Variants in SBF1 observed in about 807,000 individuals in gnomAD.
SBF1 encodes the protein SET binding factor 1.
In SBF1, 65 loss-of-function variants were observed where a neutral mutation model predicts 215.8. The observed-to-expected ratio is 0.30, with a 90% CI of 0.25 to 0.37. The LOEUF (loss-of-function observed/expected upper bound fraction) is 0.37, where lower values mean the gene tolerates loss of function less well. Ranked by LOEUF, SBF1 falls within the 10% of genes least tolerant of loss-of-function variation. The probability of loss-of-function intolerance (pLI) is 1.00; values close to 1 mark genes in which losing one functional copy is unlikely to be tolerated. For missense variants in SBF1, 2,634 were observed against 2,667.8 expected, an observed-to-expected ratio of 0.99 and a Z score of 0.28; for synonymous variants, 1,410 against 1,122.8, an observed-to-expected ratio of 1.26 and a Z score of -5.11.
intron 1 of SBF1, among the ~76,000 whole-genome samples, chr22:50,473,610 G>A (rs939889002): frequency 6.6e-6 from 1 of 152,160 alleles, no homozygotes; most frequent in Non-Finnish European, 1.5e-5. Flanking sequence ...TGCTAAAGAG[G>A]CTTCAGGAAG....
chr22:50,459,837 A>C, intron 26 of SBF1, 115 bp downstream of exon 26: 1 of 1,393,630 alleles, frequency 7.2e-7, no homozygotes, highest in Non-Finnish European at 9.9e-7. Flanking sequence ...CTCTGCCCGG[A>C]GTCTCCCCCT....
In SBF1 at chr22:50,464,870, G is replaced by T. The variant is rs748576487; in HGVS notation, c.1380C>A (p.Pro460=). The T allele has an allele frequency of 6.2e-7, 1 of 1,613,726 alleles. No homozygotes were observed. The highest frequency in any genetic ancestry group is 1.1e-5 in the South Asian group (1 of 91,084). The part of the protein sequence containing the change: ...VARMRADENH[P]QRVLRHVQEL... ...CCTGGACGTGACGCAGGACACGCTG[G>T]GGGTGGTTCTCATCCGCCCGCATCC... is the stretch of plus-strand genomic sequence containing the variant. The change falls in exon 13 of 41, where the codon CCC becomes CCA. Residue 460 remains proline, a synonymous_variant. Coordinates refer to ENST00000380817, the MANE Select transcript of SBF1 (RefSeq NM_002972.4).
At chr22:50,449,794 A>C (rs2066978686) in intron 36 of SBF1, among the ~76,000 whole-genome samples, 1 of 152,362 alleles carries the variant, frequency 6.6e-6, no homozygotes, top group East Asian at 1.9e-4. Context: ...CACGAGGCCA[A>C]CTGTCAACTT....
At position 50,463,303 on chromosome 22, in the gene SBF1, T is replaced by C; in HGVS notation, c.1879A>G (p.Met627Val). Residue 627 changes from methionine (M) to valine (V), a missense_variant, in exon 16 of 41, where the codon ATG (methionine) becomes GTG (valine). Coordinates refer to ENST00000380817, the MANE Select transcript of SBF1 (RefSeq NM_002972.4). ...CTCACCTGCAGGCAGCAGTTCATCA[T>C]ACGGACGACAAAGTCAAACTGCTGG... is the stretch of plus-strand genomic sequence containing the variant. ...DHQQFDFVVR[M>V]MNCCLQDCTS... 2.5e-6 allele frequency: 4 copies of C among 1,613,626 alleles called. No individual in the cohort carries two copies. The highest frequency in any genetic ancestry group is 1.1e-5 in the South Asian group (1 of 90,982).
At chr22:50,454,982 C>G in intron 34 of SBF1, 34 bp downstream of exon 34, 1 of 1,614,010 alleles carries the variant, frequency 6.2e-7, no homozygotes, top group Non-Finnish European at 8.5e-7. Context: ...CCCCTCCTGA[C>G]CCGTGGCTGC....
chr22:50,474,739 A>ACTCGACC, intron 1 of SBF1, 47 bp downstream of exon 1: 3 of 1,405,766 alleles, frequency 2.1e-6, no homozygotes, highest in African/African-American at 1.6e-5. Flanking sequence ...GGCCCTCAGC[A>ACTCGACC]CTCGACCCTC....
chr22:50,465,350 G>A (rs752324505), intron 10 of SBF1, 22 bp from the exon 11 acceptor site: 9 of 1,551,158 alleles, frequency 5.8e-6, no homozygotes, highest in African/African-American at 1.4e-5. Flanking sequence ...GCTGAGTGCA[G>A]GTGAGAGCCA....
chr22:50,458,283 T>C (rs534736221), intron 28 of SBF1, among the ~76,000 whole-genome samples: 7 of 129,130 alleles, frequency 5.4e-5, no homozygotes, highest in African/African-American at 1.2e-4. Flanking sequence ...CCAGCGTGGG[T>C]GACAGAGAAA....
intron 26 of SBF1, 100 bp downstream of exon 26, chr22:50,459,852 A>G (rs1263948513): frequency 8.2e-6 from 12 of 1,456,584 alleles, no homozygotes; most frequent in East Asian, 2.3e-5. Context: ...CCCCCTCCAC[A>G]TTCCTTACAT....
In SBF1 at chr22:50,474,965, CGCGGCGGCGGCGGCG is replaced by C. The variant is rs71198252; in HGVS notation, c.-140_-126del. On this transcript the variant is annotated 5_prime_UTR_variant, in exon 1 of 41. Transcript: ENST00000380817. ...CACCCCGGACACCCCTGGTTCGCTC[CGCGGCGGCGGCGGCG>C]GCGGCGGCGGCGGCCCAGGTTCCCG... The C allele has an allele frequency of 4.3e-4, 120 of 276,726 alleles. 2 individuals carry two copies. Among genetic ancestry groups the C allele is most frequent in the Non-Finnish European group, 5.7e-4 (98 of 173,192 alleles). 17.1% of individuals were successfully genotyped at this position (276,726 alleles called of 1,614,324 possible). A position where few individuals can be genotyped will look rare whatever the true frequency, so the allele number is the denominator to read the frequency against.
At chr22:50,461,095 G>A (rs569772665) in intron 23 of SBF1, 64 bp downstream of exon 23, 145 of 1,527,924 alleles carry the variant, frequency 9.5e-5, no homozygotes, top group Admixed American at 5.4e-4. Flanking sequence ...ATACAAGAAA[G>A]ACCGGTTTGC....
rs770686004 is a variant in SBF1, at chr22:50,467,669, C to A, written c.301G>T (p.Ala101Ser). The change falls in exon 4 of 41, where the codon GCC (alanine) becomes TCC (serine). Residue 101 changes from alanine to serine, a missense_variant. Ala to Ser is a moderately conservative substitution (Grantham distance 99, BLOSUM62 1). Transcript: ENST00000380817. ...TCCCCCTCTTCCTCCCTCTCTGTGG[C>A]ATCCTCCACGCGCGTCGTTTCCTGC... is the stretch of plus-strand genomic sequence containing the variant. Reference protein sequence around the residue: ...PSQETTRVEDATEREEEGDEG... With the variant: ...PSQETTRVEDSTEREEEGDEG... 8.1e-6 allele frequency: 13 copies of A among 1,607,926 alleles called. No individual in the cohort carries two copies. The East Asian group carries it at 2.7e-4, about 33-fold the overall frequency.
rs752249812 is a variant in SBF1, at chr22:50,464,982, G to A, written c.1332+19C>T. On this transcript the variant is annotated intron_variant, in intron 12 of 40. Transcript: ENST00000380817. Reference sequence around the variant, plus strand: ...GCGGAGCCAGGGCAGGGGGCTGGGAGGGCAGGGTGGAGGTGCACCTCATCG... The same window carrying A: ...GCGGAGCCAGGGCAGGGGGCTGGGAAGGCAGGGTGGAGGTGCACCTCATCG... The A allele has an allele frequency of 6.2e-7, 1 of 1,613,944 alleles. No homozygotes were observed. Among genetic ancestry groups the A allele is most frequent in the Non-Finnish European group, 8.5e-7 (1 of 1,179,950 alleles).
intron 36 of SBF1, among the ~76,000 whole-genome samples, chr22:50,450,314 A>G (rs2066996681): frequency 6.6e-6 from 1 of 152,186 alleles, no homozygotes; most frequent in African/African-American, 2.4e-5. Context: ...TGAGGTCAGG[A>G]GTTCAAGACC....
chr22:50,449,624 A>AC (rs61375096), intron 36 of SBF1, among the ~76,000 whole-genome samples: 21,823 of 103,490 alleles, frequency 0.21, 1,935 homozygotes, highest in Admixed American at 0.28. Flanking sequence ...CAAAACACAC[A>AC]AACACACACA....
Position 50,460,411 on chromosome 22 carries a change from G to A in SBF1, c.3147-3C>T, listed in dbSNP as rs746078955. ...TGACCAGGTTCCGGGACAGGGTTCT[G>A]AGGCCCACGAGAGTCAGCAAAGGTG... On this transcript the variant is annotated splice_polypyrimidine_tract_variant and splice_region_variant and intron_variant, in intron 24 of 40. Transcript: ENST00000380817. 3 of 1,608,448 alleles carry A rather than the reference G, an allele frequency of 1.9e-6. No individual in the cohort carries two copies. Among genetic ancestry groups the A allele is most frequent in the East Asian group, 2.2e-5 (1 of 44,780 alleles).
At chr22:50,458,554 G>A (rs748561336) in intron 28 of SBF1, among the ~76,000 whole-genome samples, 1 of 152,160 alleles carries the variant, frequency 6.6e-6, no homozygotes, top group East Asian at 1.9e-4. Context: ...AAGACAGGGC[G>A]ATTGTAAAAT....
In SBF1 at chr22:50,467,665, G is replaced by C. The variant is rs1321749331; in HGVS notation, c.305C>G (p.Thr102Arg). The C allele has an allele frequency of 6.2e-7, 1 of 1,613,482 alleles. No homozygotes were observed. Among genetic ancestry groups the C allele is most frequent in the East Asian group, 2.2e-5 (1 of 44,880 alleles). The change falls in exon 4 of 41, where the codon ACA becomes AGA. Residue 102 changes from threonine (T) to arginine (R), a missense_variant. Transcript: ENST00000380817. ...CTCATCCCCCTCTTCCTCCCTCTCT[G>C]TGGCATCCTCCACGCGCGTCGTTTC... is the stretch of plus-strand genomic sequence containing the variant. ...SQETTRVEDA[T>R]EREEEGDEGG...
intron 21 of SBF1, 32 bp downstream of exon 21, chr22:50,461,764 G>GGGCCCCCGCAGCCCCAAC (rs1405564165): frequency 6.2e-7 from 1 of 1,611,368 alleles, no homozygotes; most frequent in East Asian, 2.2e-5. Context: ...CCCGGGCCTT[G>GGGCCCCCGCAGCCCCAAC]GGCCCCCGCA....
Sources: gnomAD v4.1 joint callset for allele counts (sites outside exome capture counted in the v4.1 genomes callset) on GRCh38, gnomAD v4.1.1 for gene constraint, MANE v1.5 for transcripts, NCBI Gene and HGNC (gene_info 2026-07-23, HGNC 2026-07-21) for gene names.